The following CPNE4 variants were observed in gnomAD, a reference collection of about 807,000 sequenced individuals.
CPNE4 encodes the protein copine-4.
Under a neutral mutation model 67.9 loss-of-function variants are expected in CPNE4, and 25 were observed. The ratio of observed to expected loss-of-function variants is 0.37; its 90% CI spans 0.27 to 0.51. CPNE4 has a LOEUF of 0.51. Ranked by LOEUF, CPNE4 falls within the 20% of genes least tolerant of loss-of-function variation. The pLI, the probability that CPNE4 is intolerant of heterozygous loss-of-function variation, is 0.93. For missense variants in CPNE4, 464 were observed against 690.8 expected (o/e 0.67, Z 3.68); for synonymous variants, 242 against 244.9 (o/e 0.99, Z 0.11).
intron 7 of CPNE4, among the ~76,000 whole-genome samples, chr3:131,647,833 T>C (rs2079703806): frequency 6.6e-6 from 1 of 152,202 alleles, no homozygotes; most frequent in South Asian, 2.1e-4. Flanking sequence ...TCCTACCAAA[T>C]TTATTGCTTA....
At chr3:131,789,005 G>GAC (rs150450935) in intron 2 of CPNE4, among the ~76,000 whole-genome samples, 40,201 of 133,166 alleles carry the variant, frequency 0.3, 6,315 homozygotes, top group Non-Finnish European at 0.36. Flanking sequence ...AACTCAACCA[G>GAC]ACACACACAC....
At chr3:131,889,938 CT>C (rs1246836405) in intron 2 of CPNE4, among the ~76,000 whole-genome samples, 2 of 152,124 alleles carry the variant, frequency 1.3e-5, no homozygotes, top group Non-Finnish European at 2.9e-5. Context: ...ACAAAATCAA[CT>C]AATAATGGAT....
In CPNE4 at chr3:132,034,751, G is replaced by A. The variant is rs565530535; in HGVS notation, c.-186C>T. 10 of 985,232 alleles carry A rather than the reference G, an allele frequency of 1.0e-5. 1 individual carries two copies. In the Admixed American group the frequency reaches 2.5e-4, roughly 24 times the overall value. 61.0% of individuals were successfully genotyped at this position (985,232 alleles called of 1,614,324 possible). A position where few individuals can be genotyped will look rare whatever the true frequency, so the allele number is the denominator to read the frequency against. On this transcript the variant is annotated 5_prime_UTR_variant, in exon 1 of 16. Transcript: ENST00000429747. ...GAGGTCAGTTTAGCAACAGCGGCTG[G>A]GAAAGGTGCTGAGAGCAGAGTTCGG...
At chr3:131,593,845 G>C (rs554601260) in intron 7 of CPNE4, among the ~76,000 whole-genome samples, 2 of 152,166 alleles carry the variant, frequency 1.3e-5, no homozygotes, top group East Asian at 3.9e-4. Context: ...CCAAGTAGCT[G>C]GGACTACAGG....
chr3:131,823,130 C>T (rs1490296262), intron 2 of CPNE4, among the ~76,000 whole-genome samples: 9 of 152,184 alleles, frequency 5.9e-5, no homozygotes, highest in Non-Finnish European at 1.0e-4. Context: ...TGAGCCACTG[C>T]GCCCGGTCTG....
intron 1 of CPNE4, among the ~76,000 whole-genome samples, chr3:131,914,476 G>T (rs939949411): frequency 6.6e-6 from 1 of 151,940 alleles, no homozygotes; most frequent in Non-Finnish European, 1.5e-5. Flanking sequence ...ATTTCACAGA[G>T]AGTCCTTTAT....
intron 2 of CPNE4, among the ~76,000 whole-genome samples, chr3:131,888,187 T>C (rs1328690086): frequency 6.6e-6 from 1 of 152,228 alleles, no homozygotes; most frequent in Non-Finnish European, 1.5e-5. Flanking sequence ...TTCAGGGTAA[T>C]TGTCACATAA....
intron 7 of CPNE4, among the ~76,000 whole-genome samples, chr3:131,629,402 A>C (rs1252683101): frequency 6.7e-6 from 1 of 150,038 alleles, no homozygotes; most frequent in Non-Finnish European, 1.5e-5. Flanking sequence ...TTTTTTTTTC[A>C]GACATAATGC....
intron 1 of CPNE4, among the ~76,000 whole-genome samples, chr3:131,984,671 C>T (rs1583560077): frequency 6.6e-6 from 1 of 152,158 alleles, no homozygotes; most frequent in South Asian, 2.1e-4. Context: ...CATCACTTTC[C>T]TTAAGGGCTT....
intron 3 of CPNE4, among the ~76,000 whole-genome samples, chr3:131,708,969 TATATATATATATATATATATATATATAC>T (rs1280368276): frequency 1.1e-5 from 1 of 87,504 alleles, no homozygotes; most frequent in African/African-American, 5.0e-5. Context: ...TATATATATA[TATATATATATATATATATATATATATAC>T]ATACACACAT....
chr3:131,651,968 G>C (rs2079825523), intron 7 of CPNE4, among the ~76,000 whole-genome samples: 1 of 152,148 alleles, frequency 6.6e-6, no homozygotes, highest in Non-Finnish European at 1.5e-5. Context: ...CCCAACACCG[G>C]TGTACCCAGT....
At chr3:132,007,880 C>T (rs2107673331) in intron 1 of CPNE4, among the ~76,000 whole-genome samples, 1 of 152,302 alleles carries the variant, frequency 6.6e-6, no homozygotes, top group East Asian at 1.9e-4. Flanking sequence ...CTGCACCCGT[C>T]TTCCCTAAGC....
intron 9 of CPNE4, among the ~76,000 whole-genome samples, chr3:131,577,204 A>G (rs1937572429): frequency 6.6e-6 from 1 of 152,134 alleles, no homozygotes; most frequent in Non-Finnish European, 1.5e-5. Context: ...CTTGTTATGT[A>G]AGGATATGGT....
intron 7 of CPNE4, among the ~76,000 whole-genome samples, chr3:131,603,025 C>A (rs1464108633): frequency 6.7e-6 from 1 of 148,460 alleles, no homozygotes; most frequent in East Asian, 2.0e-4. Context: ...TTATAAGTAT[C>A]TCTCCTTTAC....
intron 1 of CPNE4, among the ~76,000 whole-genome samples, chr3:131,949,785 C>T (rs1039012603): frequency 6.6e-6 from 1 of 152,138 alleles, no homozygotes; most frequent in African/African-American, 2.4e-5. Context: ...GCCTAATTTT[C>T]CTCCATAATG....
intron 7 of CPNE4, among the ~76,000 whole-genome samples, chr3:131,591,045 G>A (rs1938493450): frequency 6.6e-6 from 1 of 152,158 alleles, no homozygotes; most frequent in African/African-American, 2.4e-5. Context: ...ACACTGAATT[G>A]ATCTGCTGTT....
intron 7 of CPNE4, among the ~76,000 whole-genome samples, chr3:131,609,243 G>A (rs1408925908): frequency 6.6e-6 from 1 of 152,144 alleles, no homozygotes; most frequent in East Asian, 1.9e-4. Context: ...AAGGAACTTT[G>A]TATATTTTAG....
At chr3:131,906,577 T>C (rs1385058036) in intron 1 of CPNE4, among the ~76,000 whole-genome samples, 3 of 152,142 alleles carry the variant, frequency 2.0e-5, no homozygotes, top group Middle Eastern at 6.8e-3. Context: ...ACAAAGGACA[T>C]GAACTCATCA....
intron 2 of CPNE4, among the ~76,000 whole-genome samples, chr3:131,829,092 G>T (rs1373319654): frequency 6.6e-6 from 1 of 152,170 alleles, no homozygotes; most frequent in Non-Finnish European, 1.5e-5. Flanking sequence ...GAGAGAGCTT[G>T]TGCAGGGAAA....
Sources: gnomAD v4.1 joint callset for allele counts (sites outside exome capture counted in the v4.1 genomes callset) on GRCh38, gnomAD v4.1.1 for gene constraint, MANE v1.5 for transcripts, NCBI Gene and HGNC (gene_info 2026-07-23, HGNC 2026-07-21) for gene names.